MUSK: variants seen among roughly 807,000 people sequenced by gnomAD.
MUSK encodes muscle, skeletal receptor tyrosine-protein kinase.
MUSK carries 55 observed loss-of-function variants against 88.7 expected under a neutral mutation model. The ratio of observed to expected loss-of-function variants is 0.62; its 90% CI spans 0.50 to 0.78. MUSK has a LOEUF of 0.78. Ranked by LOEUF, MUSK falls within the 30% of genes least tolerant of loss-of-function variation. The pLI, the probability that MUSK is intolerant of heterozygous loss-of-function variation, is 0.00. For missense variants in MUSK, 1,015 were observed against 1,074.3 expected, an observed-to-expected ratio of 0.94 and a Z score of 0.77; for synonymous variants, 387 against 391.9, an observed-to-expected ratio of 0.99 and a Z score of 0.15.
chr9:110,762,151 C>A (rs768617953), intron 7 of MUSK, 51 bp from the exon 8 acceptor site: 99 of 1,354,806 alleles, frequency 7.3e-5, no homozygotes, highest in Non-Finnish European at 7.8e-5. Context: ...AACGTTCTTT[C>A]TTTTCTCCTT....
At chr9:110,749,272 C>T (rs1185640798) in intron 7 of MUSK, among the ~76,000 whole-genome samples, 1 of 152,160 alleles carries the variant, frequency 6.6e-6, no homozygotes, top group Non-Finnish European at 1.5e-5. Flanking sequence ...ATGGCACTGG[C>T]TGTATTCTAT....
chr9:110,756,750 A>G (rs72756531), intron 7 of MUSK, among the ~76,000 whole-genome samples: 2 of 152,088 alleles, frequency 1.3e-5, no homozygotes, highest in Admixed American at 1.3e-4. Context: ...CTGAGAACCA[A>G]AGCTATTTGT....
In MUSK at chr9:110,682,795, CATT is replaced by C. The variant is rs1417996565; in HGVS notation, c.203_205del (p.Ile68del). On this transcript the variant is annotated inframe_deletion and splice_region_variant, in exon 2 of 15. Transcript: ENST00000374448. ...TTTCCTGGACTAGAAATAAAATTCT[CATT>C]AAGTAAGTATTCCACATTTTAATTT... is the stretch of plus-strand genomic sequence containing the variant. 1 of 1,611,134 alleles carries C rather than the reference CATT, an allele frequency of 6.2e-7. No homozygotes were observed. Among genetic ancestry groups the C allele is most frequent in the Non-Finnish European group, 8.5e-7 (1 of 1,178,228 alleles).
chr9:110,783,373 G>A (rs2077795572), intron 11 of MUSK, among the ~76,000 whole-genome samples: 1 of 151,910 alleles, frequency 6.6e-6, no homozygotes, highest in Admixed American at 6.6e-5. Context: ...CTAAAAGAAT[G>A]TCTTTTATAA....
intron 5 of MUSK, among the ~76,000 whole-genome samples, chr9:110,719,787 A>G (rs767515003): frequency 6.6e-6 from 1 of 152,148 alleles, no homozygotes; most frequent in African/African-American, 2.4e-5. Context: ...TGCAGAATAT[A>G]CATTGTAATC....
At chr9:110,778,773 T>TA (rs1287556386) in intron 11 of MUSK, among the ~76,000 whole-genome samples, 1 of 152,082 alleles carries the variant, frequency 6.6e-6, no homozygotes, top group Non-Finnish European at 1.5e-5. Flanking sequence ...TAATGTTTCT[T>TA]AAAAAATTCC....
At chr9:110,748,527 G>A (rs141260758) in intron 7 of MUSK, among the ~76,000 whole-genome samples, 85 of 152,226 alleles carry the variant, frequency 5.6e-4, no homozygotes, top group Non-Finnish European at 1.0e-3. Flanking sequence ...TGTCCCAAAG[G>A]CTTCTGAGAA....
At chr9:110,702,499 C>A (rs1022442165) in intron 5 of MUSK, among the ~76,000 whole-genome samples, 5 of 152,190 alleles carry the variant, frequency 3.3e-5, no homozygotes, top group South Asian at 2.1e-4. Flanking sequence ...GGAGAAAAAA[C>A]CAGGTCATCT....
chr9:110,677,408 A>G (rs2076046181), intron 1 of MUSK, among the ~76,000 whole-genome samples: 1 of 152,188 alleles, frequency 6.6e-6, no homozygotes, highest in African/African-American at 2.4e-5. Flanking sequence ...TATTTAACTT[A>G]ACGTCTCGGC....
In MUSK at chr9:110,734,301, T is replaced by A; in HGVS notation, c.679T>A (p.Ser227Thr). The stretch of plus-strand genomic sequence containing the variant: ...TGAATCCCACAATGTCACCTTTGGC[T>A]CCTTTGTGACCCTGCACTGTACAGC... ...APESHNVTFG[S>T]FVTLHCTATG... The change falls in exon 6 of 15, where the codon TCC becomes ACC. Residue 227 changes from serine (S) to threonine (T), a missense_variant. Coordinates refer to ENST00000374448, the MANE Select transcript of MUSK (RefSeq NM_005592.4). The A allele has an allele frequency of 6.2e-7, 1 of 1,613,238 alleles. No individual in the cohort carries two copies. Among genetic ancestry groups the A allele is most frequent in the Non-Finnish European group, 8.5e-7 (1 of 1,179,460 alleles).
intron 3 of MUSK, among the ~76,000 whole-genome samples, chr9:110,690,193 T>A (rs868028498): frequency 1.5e-4 from 7 of 47,766 alleles, no homozygotes; most frequent in African/African-American, 2.7e-4. Flanking sequence ...TTTAAGTATA[T>A]ATAAATATAT....
At chr9:110,787,338 G>T (rs1279521070) in intron 13 of MUSK, among the ~76,000 whole-genome samples, 2 of 125,978 alleles carry the variant, frequency 1.6e-5, no homozygotes, top group African/African-American at 3.2e-5. Flanking sequence ...CTCCAGCCTG[G>T]ATGACAGAGT....
In MUSK at chr9:110,765,326, T is replaced by C. The variant is rs555029929; in HGVS notation, c.921-2494T>C. 2.6e-5 allele frequency among the ~76,000 whole-genome samples: 4 copies of C among 152,288 alleles called. No individual in the cohort carries two copies. In the East Asian group the frequency reaches 5.8e-4, roughly 22 times the overall value. ...ATTCATCCCCCTTTATGCCGAGATA[T>C]TACGTCAACATGTGAGACCATTTCG... is the stretch of plus-strand genomic sequence containing the variant. On this transcript the variant is annotated intron_variant, in intron 8 of 14. Transcript: ENST00000374448.
chr9:110,789,781 A>G (rs1166708740), intron 14 of MUSK, among the ~76,000 whole-genome samples: 5 of 148,226 alleles, frequency 3.4e-5, no homozygotes, highest in East Asian at 2.0e-4. Flanking sequence ...TCCATCTGGG[A>G]AAAAAAAAAG....
At chr9:110,688,511 T>A (rs2076226979) in intron 3 of MUSK, among the ~76,000 whole-genome samples, 1 of 152,072 alleles carries the variant, frequency 6.6e-6, no homozygotes, top group Admixed American at 6.6e-5. Flanking sequence ...GTGCAGTTGT[T>A]TTACATAGGT....
intron 5 of MUSK, among the ~76,000 whole-genome samples, chr9:110,700,632 A>G (rs2076489584): frequency 6.6e-6 from 1 of 152,308 alleles, no homozygotes; most frequent in African/African-American, 2.4e-5. Context: ...AAATATTGAA[A>G]TGTAAAAAAA....
chr9:110,799,650 C>T (rs1174923250), intron 14 of MUSK, among the ~76,000 whole-genome samples: 1 of 152,152 alleles, frequency 6.6e-6, no homozygotes, highest in African/African-American at 2.4e-5. Context: ...ATCTGCTCTG[C>T]CAGACACGTG....
At chr9:110,712,513 A>G (rs1026869748) in intron 5 of MUSK, among the ~76,000 whole-genome samples, 3 of 152,206 alleles carry the variant, frequency 2.0e-5, no homozygotes, top group Admixed American at 2.0e-4. Context: ...CATCAGAAGC[A>G]TCTGGAGATC....
intron 7 of MUSK, among the ~76,000 whole-genome samples, chr9:110,757,983 G>A (rs1328755440): frequency 6.6e-6 from 1 of 152,106 alleles, no homozygotes; most frequent in Non-Finnish European, 1.5e-5. Context: ...TTTGTTTTGA[G>A]ACAGAGTCTC....
Sources: gnomAD v4.1 joint callset for allele counts (sites outside exome capture counted in the v4.1 genomes callset) on GRCh38, gnomAD v4.1.1 for gene constraint, MANE v1.5 for transcripts, NCBI Gene and HGNC (gene_info 2026-07-23, HGNC 2026-07-21) for gene names.